Variants in LIN7A observed in about 807,000 individuals in gnomAD.
The protein encoded by LIN7A is lin-7 cell polarity scaffold A.
In LIN7A, 25 loss-of-function variants were observed where a neutral mutation model predicts 29.8. The observed-to-expected ratio is 0.84, with a 90% CI of 0.61 to 1.17. LIN7A has a LOEUF of 1.17. Ranked by LOEUF, LIN7A falls within the 50% of genes most tolerant of loss-of-function variation. LIN7A has a pLI of 0.00. For synonymous variants in LIN7A, 118 were observed against 107.5 expected, an observed-to-expected ratio of 1.10 and a Z score of -0.60; for missense variants, 239 against 287.0, an observed-to-expected ratio of 0.83 and a Z score of 1.21.
At chr12:80,840,361 T>C (rs567681868) in intron 4 of LIN7A, among the ~76,000 whole-genome samples, 2 of 152,332 alleles carry the variant, frequency 1.3e-5, no homozygotes, top group South Asian at 4.1e-4. Context: ...AAGCATCAGT[T>C]ATGATTGCAG....
intron 4 of LIN7A, among the ~76,000 whole-genome samples, chr12:80,840,644 G>GA (rs1306471716): frequency 3.3e-5 from 5 of 152,098 alleles, no homozygotes; most frequent in Non-Finnish European, 7.4e-5. Flanking sequence ...TTTCCATTCA[G>GA]AAAAAAATGT....
intron 1 of LIN7A, among the ~76,000 whole-genome samples, chr12:80,915,750 TA>T (rs1421203810): frequency 6.6e-6 from 1 of 152,212 alleles, no homozygotes; most frequent in Non-Finnish European, 1.5e-5. Flanking sequence ...CTGATTAAGC[TA>T]TTATCCTAAG....
At chr12:80,882,526 C>T (rs562278870) in intron 2 of LIN7A, among the ~76,000 whole-genome samples, 228 of 151,308 alleles carry the variant, frequency 1.5e-3, no homozygotes, top group African/African-American at 5.2e-3. Flanking sequence ...CCTCGTGATC[C>T]GCCCGCCTCG....
chr12:80,900,285 A>G (rs1876144089), intron 1 of LIN7A, among the ~76,000 whole-genome samples: 1 of 151,446 alleles, frequency 6.6e-6, no homozygotes, highest in Non-Finnish European at 1.5e-5. Context: ...GATTTTGGTT[A>G]TTTTTTTGTC....
Position 80,932,254 on chromosome 12 carries a change from A to G in LIN7A, c.82+5387T>C, listed in dbSNP as rs368887330. Among the ~76,000 whole-genome samples, 11 of 152,336 alleles carry G rather than the reference A, an allele frequency of 7.2e-5. No individual in the cohort carries two copies. The East Asian group carries it at 7.7e-4, about 11-fold the overall frequency. Reference sequence around the variant, plus strand: ...ACCCATGGGATAGTTATTTGCATTCAATTTTTGTTCTTATACTTGTTTTCC... The same window carrying G: ...ACCCATGGGATAGTTATTTGCATTCGATTTTTGTTCTTATACTTGTTTTCC... On this transcript the variant is annotated intron_variant, in intron 1 of 5. Coordinates refer to ENST00000552864, the MANE Select transcript of LIN7A (RefSeq NM_004664.4).
chr12:80,929,339 T>C (rs566365906), intron 1 of LIN7A, among the ~76,000 whole-genome samples: 1 of 152,236 alleles, frequency 6.6e-6, no homozygotes, highest in Non-Finnish European at 1.5e-5. Context: ...AACCTGCCAT[T>C]CAAGCTAGGA....
At chr12:80,928,278 G>A (rs912045738) in intron 1 of LIN7A, among the ~76,000 whole-genome samples, 26 of 151,982 alleles carry the variant, frequency 1.7e-4, no homozygotes, top group Non-Finnish European at 2.5e-4. Flanking sequence ...TTGAGGGATC[G>A]CCACACTGTC....
At chr12:80,822,231 C>T (rs1871840637) in intron 4 of LIN7A, among the ~76,000 whole-genome samples, 2 of 152,290 alleles carry the variant, frequency 1.3e-5, no homozygotes, top group African/African-American at 4.8e-5. Flanking sequence ...ATAAAACCAT[C>T]AGATCTTGTG....
chr12:80,917,066 C>A (rs1158574906), intron 1 of LIN7A, among the ~76,000 whole-genome samples: 2 of 151,968 alleles, frequency 1.3e-5, no homozygotes, highest in Non-Finnish European at 2.9e-5. Context: ...AGGGAAAAGA[C>A]AAGTTAGATA....
At chr12:80,890,510 T>C (rs558750066) in intron 1 of LIN7A, among the ~76,000 whole-genome samples, 11 of 152,146 alleles carry the variant, frequency 7.2e-5, no homozygotes, top group Non-Finnish European at 1.5e-4. Context: ...AGAAATATAA[T>C]AGCACAGCCA....
At chr12:80,903,238 G>C (rs1483644582) in intron 1 of LIN7A, among the ~76,000 whole-genome samples, 1 of 151,070 alleles carries the variant, frequency 6.6e-6, no homozygotes, top group South Asian at 2.1e-4. Context: ...AAATGTAAGG[G>C]GCACAAGTGC....
rs1408130012 is a variant in LIN7A, at chr12:80,795,988, T to C, written c.*1739A>G. ...GGGGTGTATTGTTGAAATTAGCAAA[T>C]GTCCTAGTTTTCTTGCTGTTTTTCC... On this transcript the variant is annotated 3_prime_UTR_variant, in exon 6 of 6. Transcript: ENST00000552864. 6.6e-6 allele frequency: 1 copy of C among 152,164 alleles called. No homozygotes were observed. Among genetic ancestry groups the C allele is most frequent in the African/African-American group, 2.4e-5 (1 of 41,458 alleles). The allele number at this position is 152,164 out of a possible 1,614,324, so 9.4% of individuals were successfully genotyped here. A position where few individuals can be genotyped will look rare whatever the true frequency, so the allele number is the denominator to read the frequency against.
At chr12:80,814,698 G>A (rs757649078) in intron 4 of LIN7A, among the ~76,000 whole-genome samples, 2 of 152,046 alleles carry the variant, frequency 1.3e-5, no homozygotes, top group Admixed American at 1.3e-4. Context: ...AACCATCAAG[G>A]TTATCCTCTT....
At chr12:80,832,917 C>T (rs1407859204) in intron 4 of LIN7A, among the ~76,000 whole-genome samples, 2 of 152,046 alleles carry the variant, frequency 1.3e-5, no homozygotes, top group East Asian at 1.9e-4. Flanking sequence ...GTTGTGGTGA[C>T]TGGATGGGGA....
At chr12:80,914,776 C>T (rs765372471) in intron 1 of LIN7A, among the ~76,000 whole-genome samples, 1 of 152,156 alleles carries the variant, frequency 6.6e-6, no homozygotes, top group South Asian at 2.1e-4. Flanking sequence ...GATTGTGGCT[C>T]ATGCCTGTAA....
chr12:80,909,750 C>G (rs1429969536), intron 1 of LIN7A, among the ~76,000 whole-genome samples: 2 of 151,916 alleles, frequency 1.3e-5, no homozygotes, highest in Non-Finnish European at 2.9e-5. Flanking sequence ...TTTGAGTGAA[C>G]ACAAATATTT....
chr12:80,897,049 T>C (rs1408830985), intron 1 of LIN7A, among the ~76,000 whole-genome samples: 1 of 152,196 alleles, frequency 6.6e-6, no homozygotes, highest in Non-Finnish European at 1.5e-5. Context: ...CTAGGAACTA[T>C]ATTTAGCATT....
intron 2 of LIN7A, among the ~76,000 whole-genome samples, chr12:80,868,080 C>T (rs748498934): frequency 5.3e-5 from 8 of 152,274 alleles, no homozygotes; most frequent in Admixed American, 3.3e-4. Flanking sequence ...AGTGAAATAA[C>T]AGATGATTAG....
intron 4 of LIN7A, among the ~76,000 whole-genome samples, chr12:80,838,788 AG>A (rs1872689105): frequency 6.6e-6 from 1 of 152,176 alleles, no homozygotes; most frequent in African/African-American, 2.4e-5. Flanking sequence ...CCAGGCCTAT[AG>A]GGGAACTGAA....
Sources: allele counts gnomAD v4.1 joint callset (sites outside exome capture counted in the v4.1 genomes callset), GRCh38; gene constraint gnomAD v4.1.1; transcripts MANE v1.5; gene names NCBI Gene and HGNC (gene_info 2026-07-23, HGNC 2026-07-21).